ANKS1B: variants seen among roughly 807,000 people sequenced by gnomAD.
The protein encoded by ANKS1B is ankyrin repeat and sterile alpha motif domain containing 1B.
Under a neutral mutation model 148.3 loss-of-function variants are expected in ANKS1B, and 36 were observed. That is an observed-to-expected ratio of 0.24 (90% CI 0.19 to 0.32). The LOEUF (loss-of-function observed/expected upper bound fraction) is 0.32, where lower values mean the gene tolerates loss of function less well. Ranked by LOEUF, ANKS1B falls within the 10% of genes least tolerant of loss-of-function variation. The pLI, the probability that ANKS1B is intolerant of heterozygous loss-of-function variation, is 1.00. For missense variants in ANKS1B, 1,157 were observed against 1,542.6 expected (o/e 0.75, Z 4.19); for synonymous variants, 542 against 560.8 (o/e 0.97, Z 0.47).
chr12:98,883,712 C>T (rs2099723482), intron 17 of ANKS1B, among the ~76,000 whole-genome samples: 1 of 152,066 alleles, frequency 6.6e-6, no homozygotes, highest in South Asian at 2.1e-4. Flanking sequence ...AATTAGGAGC[C>T]GAAAGCCCAG....
chr12:98,924,992 C>CA (rs1248905281), intron 17 of ANKS1B, among the ~76,000 whole-genome samples: 1 of 151,866 alleles, frequency 6.6e-6, no homozygotes, highest in African/African-American at 2.4e-5. Context: ...GATAAGGAGA[C>CA]AAAAAAAGAT....
intron 8 of ANKS1B, among the ~76,000 whole-genome samples, chr12:99,675,758 TA>T (rs1241510555): frequency 6.6e-6 from 1 of 152,068 alleles, no homozygotes; most frequent in Non-Finnish European, 1.5e-5. Flanking sequence ...ATAAACAATC[TA>T]AATGTTTAAC....
chr12:99,331,450 A>G (rs1357278666), intron 12 of ANKS1B, among the ~76,000 whole-genome samples: 9 of 152,000 alleles, frequency 5.9e-5, no homozygotes, highest in African/African-American at 2.2e-4. Context: ...TTTCTCTTCT[A>G]CATTTGCTTT....
At chr12:98,948,264 T>G (rs1052550621) in intron 17 of ANKS1B, among the ~76,000 whole-genome samples, 1 of 152,218 alleles carries the variant, frequency 6.6e-6, no homozygotes, top group African/African-American at 2.4e-5. Flanking sequence ...CTTGTCTTTC[T>G]GAATTACTGG....
intron 4 of ANKS1B, among the ~76,000 whole-genome samples, chr12:99,795,392 T>C (rs1304269481): frequency 6.6e-6 from 1 of 151,958 alleles, no homozygotes; most frequent in African/African-American, 2.4e-5. Flanking sequence ...AAAAAATCTA[T>C]CAACCTAGCA....
intron 8 of ANKS1B, among the ~76,000 whole-genome samples, chr12:99,679,622 T>C (rs948501457): frequency 6.6e-6 from 1 of 151,948 alleles, no homozygotes; most frequent in African/African-American, 2.4e-5. Flanking sequence ...ACTCTAACAT[T>C]GAACTGGAAA....
At chr12:99,122,853 C>T (rs952035318) in intron 15 of ANKS1B, among the ~76,000 whole-genome samples, 1 of 151,974 alleles carries the variant, frequency 6.6e-6, no homozygotes, top group Non-Finnish European at 1.5e-5. Context: ...CAAAAGTATG[C>T]ATTAGCAAGA....
intron 17 of ANKS1B, among the ~76,000 whole-genome samples, chr12:98,928,731 C>T (rs1042999391): frequency 2.0e-5 from 3 of 151,842 alleles, no homozygotes; most frequent in African/African-American, 7.2e-5. Flanking sequence ...TTTAACACAG[C>T]CCAATACTCT....
chr12:99,698,818 A>G (rs2054329036), intron 8 of ANKS1B, among the ~76,000 whole-genome samples: 1 of 152,174 alleles, frequency 6.6e-6, no homozygotes, highest in Non-Finnish European at 1.5e-5. Context: ...ATAATAAATT[A>G]CCATCGATTT....
chr12:98,846,518 C>G (rs922518774), intron 17 of ANKS1B, among the ~76,000 whole-genome samples: 3 of 152,186 alleles, frequency 2.0e-5, no homozygotes, highest in African/African-American at 7.2e-5. Flanking sequence ...ACCAGGTTGA[C>G]CTGTGCAGTG....
intron 14 of ANKS1B, among the ~76,000 whole-genome samples, chr12:99,174,147 G>A (rs1432587431): frequency 6.6e-6 from 1 of 152,200 alleles, no homozygotes; most frequent in Non-Finnish European, 1.5e-5. Context: ...CCCGTGCCAA[G>A]GAATTGAAGA....
intron 17 of ANKS1B, among the ~76,000 whole-genome samples, chr12:98,944,400 A>C (rs1323789249): frequency 6.7e-6 from 1 of 150,050 alleles, no homozygotes; most frequent in Non-Finnish European, 1.5e-5. Context: ...TGAGGCCCTC[A>C]CCAGAAGCAG....
intron 9 of ANKS1B, among the ~76,000 whole-genome samples, chr12:99,633,671 A>G (rs2153405490): frequency 6.6e-6 from 1 of 152,362 alleles, no homozygotes; most frequent in African/African-American, 2.4e-5. Context: ...CTGCACAGCA[A>G]AAGAAACTAC....
At chr12:99,329,608 T>C (rs907405609) in intron 12 of ANKS1B, among the ~76,000 whole-genome samples, 2 of 151,884 alleles carry the variant, frequency 1.3e-5, no homozygotes, top group Admixed American at 6.6e-5. Context: ...TCAACAAATG[T>C]CTTTATTAAA....
chr12:99,142,795 G>A (rs1386176124), intron 15 of ANKS1B, among the ~76,000 whole-genome samples: 1 of 152,092 alleles, frequency 6.6e-6, no homozygotes, highest in Admixed American at 6.6e-5. Context: ...TTATTCAGCA[G>A]TTCTTAAATG....
chr12:99,402,943 A>G (rs976060956), intron 11 of ANKS1B, among the ~76,000 whole-genome samples: 3 of 145,488 alleles, frequency 2.1e-5, no homozygotes, highest in Non-Finnish European at 3.0e-5. Context: ...CCTGTAGTGT[A>G]TAAGTGTGGC....
Position 98,891,163 on chromosome 12 carries a change from G to C in ANKS1B, c.2779-59027C>G, listed in dbSNP as rs915687235. 2.6e-5 allele frequency among the ~76,000 whole-genome samples: 4 copies of C among 152,300 alleles called. No homozygotes were observed. In the East Asian group the frequency reaches 7.7e-4, roughly 29 times the overall value. ...ACACACTATAAAGAATTTAGTAACA[G>C]AGAAGATTAGAACTTGCACTTTTGC... On this transcript the variant is annotated intron_variant, in intron 17 of 26. Coordinates refer to ENST00000683438, the MANE Select transcript of ANKS1B (RefSeq NM_001352186.2).
At chr12:98,847,542 A>G (rs201369) in intron 17 of ANKS1B, among the ~76,000 whole-genome samples, 117,372 of 152,122 alleles carry the variant, frequency 0.77, 46,621 homozygotes, top group East Asian at 0.9. Context: ...GTCTTAGGAC[A>G]TTGTGACTAA....
chr12:99,074,081 A>G (rs1046945843), intron 16 of ANKS1B, among the ~76,000 whole-genome samples: 2 of 152,182 alleles, frequency 1.3e-5, no homozygotes, highest in African/African-American at 4.8e-5. Context: ...AAGTGCTCAG[A>G]TATCTAAAGC....
Sources: allele counts gnomAD v4.1 joint callset (sites outside exome capture counted in the v4.1 genomes callset), GRCh38; gene constraint gnomAD v4.1.1; transcripts MANE v1.5; gene names NCBI Gene and HGNC (gene_info 2026-07-23, HGNC 2026-07-21).